Variants in ZWINT observed in about 807,000 individuals in gnomAD.
ZWINT encodes ZW10 interacting kinetochore protein.
A neutral mutation model predicts 41.5 loss-of-function variants in ZWINT; 41 were observed. The ratio of observed to expected loss-of-function variants is 0.99; its 90% CI spans 0.77 to 1.28. The LOEUF is 1.28. Among genes scored for constraint, ZWINT ranks in the 50% most tolerant of loss-of-function variants. ZWINT has a pLI of 0.00. For synonymous variants in ZWINT, 132 were observed against 126.8 expected, an observed-to-expected ratio of 1.04 and a Z score of -0.28; for missense variants, 369 against 329.7, an observed-to-expected ratio of 1.12 and a Z score of -0.92.
At chr10:56,360,239 G>C in intron 2 of ZWINT, 54 bp downstream of exon 2, 2 of 1,611,586 alleles carry the variant, frequency 1.2e-6, no homozygotes, top group East Asian at 2.2e-5. Context: ...CTCAGTAAGA[G>C]GAGCCAGGAC....
In ZWINT at chr10:56,359,675, C is replaced by T; in HGVS notation, c.423+12G>A. The T allele has an allele frequency of 1.2e-6, 2 of 1,614,112 alleles. No individual in the cohort carries two copies. Among genetic ancestry groups the T allele is most frequent in the Non-Finnish European group, 1.7e-6 (2 of 1,180,020 alleles). ...GCCCTTCCCTCCCTGTACTCAAGAC[C>T]CCTGGGTGTACCTTGGCCTGGAGCT... On this transcript the variant is annotated intron_variant, in intron 4 of 8. Coordinates refer to ENST00000373944, the MANE Select transcript of ZWINT (RefSeq NM_007057.4).
intron 4 of ZWINT, 68 bp from the exon 5 acceptor site, chr10:56,359,600 C>A: frequency 7.0e-6 from 11 of 1,581,072 alleles, no homozygotes; most frequent in South Asian, 1.1e-5. Flanking sequence ...TGGGAGATTG[C>A]AAGCTGGCAC....
At chr10:56,359,066 C>A in intron 5 of ZWINT, 119 bp from the exon 6 acceptor site, 1 of 1,263,006 alleles carries the variant, frequency 7.9e-7, no homozygotes, top group South Asian at 1.4e-5. Flanking sequence ...AAGAGGGACT[C>A]TATTCACTTC....
At chr10:56,361,080 C>G in intron 1 of ZWINT, 116 bp downstream of exon 1, 2 of 1,177,170 alleles carry the variant, frequency 1.7e-6, no homozygotes, top group Non-Finnish European at 2.4e-6. Context: ...GATCACTTCA[C>G]GGCAGGGTCG....
chr10:56,361,060 C>T, intron 1 of ZWINT, 136 bp downstream of exon 1: 2 of 937,948 alleles, frequency 2.1e-6, no homozygotes, highest in Non-Finnish European at 3.2e-6. Flanking sequence ...TAAGACGGGA[C>T]TGCGGTGAGG....
Position 56,360,369 on chromosome 10 carries a change from A to C in ZWINT, c.56T>G (p.Val19Gly). The change falls in exon 2 of 9, where the codon GTG (valine) becomes GGG (glycine). Residue 19 changes from valine (V) to glycine (G), a missense_variant. By Grantham distance (109) the Val-to-Gly change is moderately radical. Transcript: ENST00000373944. ...EAAALEVLAE[V>G]AGILEPVGLQ... is the part of the protein sequence containing the mutation. ...GCCTACAGGTTCCAAGATGCCTGCC[A>C]CCTCAGCCAGGACCCTGGAGGGGCA... 1 of 1,614,072 alleles carries C rather than the reference A, an allele frequency of 6.2e-7. No individual in the cohort carries two copies. Among genetic ancestry groups the C allele is most frequent in the Non-Finnish European group, 8.5e-7 (1 of 1,180,002 alleles).
Position 56,358,419 on chromosome 10 carries a change from C to A in ZWINT, c.833G>T (p.Ter278LeuextTer12). The change falls in exon 8 of 9, where the codon TGA (stop) becomes TTA (leucine). Residue 278 changes from the stop codon to leucine (L), a stop_lost. Coordinates refer to ENST00000373944, the MANE Select transcript of ZWINT (RefSeq NM_007057.4). ...LQPAGDVNLP[*>L] ...TCCATGCTGCTGTCCTCCAGGAAGT[C>A]ATGGCAAATTTACATCTCCAGCAGG... 1 of 1,614,146 alleles carries A rather than the reference C, an allele frequency of 6.2e-7. No individual in the cohort carries two copies. The highest frequency in any genetic ancestry group is 1.3e-5 in the African/African-American group (1 of 75,038).
intron 5 of ZWINT, among the ~76,000 whole-genome samples, 189 bp downstream of exon 5, chr10:56,359,287 A>C (rs1466384107): frequency 6.6e-6 from 1 of 152,218 alleles, no homozygotes; most frequent in Admixed American, 6.5e-5. Flanking sequence ...TTAAATAAAG[A>C]AACAGAAAGT....
In ZWINT at chr10:56,357,973, C is replaced by G. The variant is rs1838209550; in HGVS notation, c.*254G>C. On this transcript the variant is annotated 3_prime_UTR_variant, in exon 9 of 9. Coordinates refer to ENST00000373944, the MANE Select transcript of ZWINT (RefSeq NM_007057.4). Reference sequence around the variant, plus strand: ...TGCACACCCTGTGTTCAAACCAGTCCCAGCTCCTGTCATGTTATTGGCTTC... The same window carrying G: ...TGCACACCCTGTGTTCAAACCAGTCGCAGCTCCTGTCATGTTATTGGCTTC... The G allele has an allele frequency of 6.6e-6, 3 of 457,354 alleles. No homozygotes were observed. The highest frequency in any genetic ancestry group is 5.9e-5 in the African/African-American group (3 of 50,438). The allele number at this position is 457,354 out of a possible 1,614,324, so 28.3% of individuals were successfully genotyped here. A position where few individuals can be genotyped will look rare whatever the true frequency, so the allele number is the denominator to read the frequency against.
chr10:56,358,334 A>G (rs1449849688), intron 8 of ZWINT, 43 bp downstream of exon 8: 1 of 1,522,528 alleles, frequency 6.6e-7, no homozygotes, highest in Non-Finnish European at 9.1e-7. Context: ...CCCTCCTTCC[A>G]CACTTGCAGT....
rs780524574 is a variant in ZWINT, at chr10:56,360,059, G to A, written c.215C>T (p.Thr72Ile). The change falls in exon 3 of 9, where the codon ACT becomes ATT. Residue 72 changes from threonine (T) to isoleucine (I), a missense_variant. Physicochemically the swap from Thr to Ile is moderately conservative, Grantham distance 89. Coordinates refer to ENST00000373944, the MANE Select transcript of ZWINT (RefSeq NM_007057.4). ...AGCCAAGGGGTCGAGACCCTTAGCA[G>A]TGTCCTCCTGAGCCAGGATGTTCTG... is the stretch of plus-strand genomic sequence containing the variant. ...FLQNILAQED[T>I]AKGLDPLASE... is the part of the protein sequence containing the mutation. 5.1e-5 allele frequency: 83 copies of A among 1,614,022 alleles called. No individual in the cohort carries two copies. Among genetic ancestry groups the A allele is most frequent in the Non-Finnish European group, 6.6e-5 (78 of 1,180,038 alleles).
rs372154961 is a variant in ZWINT at position 56,360,052 on chromosome 10, C to T, written c.222G>A (p.Lys74=). 5 of 1,614,112 alleles carry T rather than the reference C, an allele frequency of 3.1e-6. No homozygotes were observed. In the East Asian group the frequency reaches 1.1e-4, roughly 36 times the overall value. The change falls in exon 3 of 9, where the codon AAG becomes AAA. Residue 74 remains lysine, a synonymous_variant. Coordinates refer to ENST00000373944, the MANE Select transcript of ZWINT (RefSeq NM_007057.4). ...QNILAQEDTA[K]GLDPLASEDT... ...CTTCAGAAGCCAAGGGGTCGAGACC[C>T]TTAGCAGTGTCCTCCTGAGCCAGGA...
At chr10:56,360,247 G>A in intron 2 of ZWINT, 46 bp downstream of exon 2, 5 of 1,611,724 alleles carry the variant, frequency 3.1e-6, no homozygotes, top group East Asian at 2.2e-5. Context: ...GAGGAGCCAG[G>A]ACCAGACCCT....
intron 2 of ZWINT, 22 bp from the exon 3 acceptor site, chr10:56,360,163 A>T: frequency 3.7e-6 from 6 of 1,613,568 alleles, no homozygotes; most frequent in South Asian, 1.1e-5. Flanking sequence ...GAGGGCAGAG[A>T]CAGGGAACAT....
At position 56,359,694 on chromosome 10, in the gene ZWINT, T is replaced by C. The variant is rs764216227; in HGVS notation, c.416A>G (p.Gln139Arg). The C allele has an allele frequency of 6.2e-7, 1 of 1,614,174 alleles. No homozygotes were observed. Residue 139 changes from glutamine (Q) to arginine (R), a missense_variant, in exon 4 of 9, where the codon CAG (glutamine) becomes CGG (arginine). Transcript: ENST00000373944. ...CAAGACCCCTGGGTGTACCTTGGCC[T>C]GGAGCTGCTCAAAGGCTTCCCGGAG... ...TQLREAFEQL[Q>R]AKKQMAMEKR... is the part of the protein sequence containing the mutation.
At chr10:56,360,450 T>C in intron 1 of ZWINT, 67 bp from the exon 2 acceptor site, 1 of 1,341,604 alleles carries the variant, frequency 7.5e-7, no homozygotes, top group Non-Finnish European at 1.1e-6. Flanking sequence ...TTCGTGTGTG[T>C]ACACAAACAA....
At chr10:56,358,506 T>G (rs1400452400) in intron 7 of ZWINT, 47 bp from the exon 8 acceptor site, 1 of 1,613,982 alleles carries the variant, frequency 6.2e-7, no homozygotes. Context: ...ATCTCCCAGC[T>G]TCTGTCTCCA....
At chr10:56,359,085 G>A in intron 5 of ZWINT, 138 bp from the exon 6 acceptor site, 1 of 1,079,278 alleles carries the variant, frequency 9.3e-7, no homozygotes, top group Non-Finnish European at 1.3e-6. Context: ...TCAGGGTGGA[G>A]TAGGGGCCTA....
In ZWINT at chr10:56,358,432, C is replaced by T; in HGVS notation, c.820G>A (p.Val274Ile). Residue 274 changes from valine (V) to isoleucine (I), a missense_variant, in exon 8 of 9, where the codon GTA becomes ATA. Val to Ile is a conservative substitution (Grantham distance 29, BLOSUM62 3). Coordinates refer to ENST00000373944, the MANE Select transcript of ZWINT (RefSeq NM_007057.4). The stretch of plus-strand genomic sequence containing the variant: ...CCTCCAGGAAGTCATGGCAAATTTA[C>T]ATCTCCAGCAGGTTGTAGACCAACA... ...KAVGLQPAGD[V>I]NLP 1 of 1,614,120 alleles carries T rather than the reference C, an allele frequency of 6.2e-7. No homozygotes were observed. The highest frequency in any genetic ancestry group is 1.1e-5 in the South Asian group (1 of 91,084).
Sources: gnomAD v4.1 joint callset for allele counts (sites outside exome capture counted in the v4.1 genomes callset) on GRCh38, gnomAD v4.1.1 for gene constraint, MANE v1.5 for transcripts, NCBI Gene and HGNC (gene_info 2026-07-23, HGNC 2026-07-21) for gene names.